Variants in POLR3D observed in about 807,000 individuals in gnomAD.
The protein encoded by POLR3D is RNA polymerase III subunit D, also known as DNA-directed RNA polymerase III subunit RPC4.
In POLR3D, 42 loss-of-function variants were observed where a neutral mutation model predicts 44.5. That is an observed-to-expected ratio of 0.94 (90% CI 0.74 to 1.22). The LOEUF (loss-of-function observed/expected upper bound fraction) is 1.22, where lower values mean the gene tolerates loss of function less well. Ranked by LOEUF, POLR3D falls within the 50% of genes most tolerant of loss-of-function variation. The pLI, the probability that POLR3D is intolerant of heterozygous loss-of-function variation, is 0.00. For missense variants in POLR3D, 507 were observed against 505.2 expected (o/e 1.00, Z -0.03); for synonymous variants, 217 against 198.1 (o/e 1.10, Z -0.80).
At chr8:22,248,922 G>C in intron 6 of POLR3D, 122 bp from the exon 7 acceptor site, 1 of 1,117,932 alleles carries the variant, frequency 8.9e-7, no homozygotes, top group Non-Finnish European at 1.3e-6. Flanking sequence ...CTGTATAACT[G>C]GTGCCTCCTT....
At chr8:22,248,766 C>G in intron 6 of POLR3D, 117 bp downstream of exon 6, 1 of 1,032,802 alleles carries the variant, frequency 9.7e-7, no homozygotes, top group Non-Finnish European at 1.4e-6. Flanking sequence ...TCCTCCCATT[C>G]CGGCTGTAAG....
intron 3 of POLR3D, among the ~76,000 whole-genome samples, chr8:22,247,554 T>C (rs893559285): frequency 2.6e-5 from 4 of 152,228 alleles, no homozygotes; most frequent in African/African-American, 9.6e-5. Context: ...GCCAATAGTT[T>C]AAACAAAGAT....
Position 22,251,473 on chromosome 8 carries a change from C to T in POLR3D, c.*955C>T, listed in dbSNP as rs1020042552. On this transcript the variant is annotated 3_prime_UTR_variant, in exon 9 of 9. Coordinates refer to ENST00000306433, the MANE Select transcript of POLR3D (RefSeq NM_001722.3). ...GGGCCCAGGACATGTTCCCTGCACT[C>T]TTTCCTTTGCAGTTAGTACTCATGT... is the stretch of plus-strand genomic sequence containing the variant. The T allele has an allele frequency of 1.5e-4, 23 of 153,782 alleles. No homozygotes were observed. Among genetic ancestry groups the T allele is most frequent in the African/African-American group, 5.5e-4 (23 of 41,456 alleles). The allele number at this position is 153,782 out of a possible 1,614,324, so 9.5% of individuals were successfully genotyped here.
Position 22,245,433 on chromosome 8 carries a change from C to A in POLR3D, c.-5-12C>A. 7.6e-7 allele frequency: 1 copy of A among 1,309,784 alleles called. No homozygotes were observed. The highest frequency in any genetic ancestry group is 9.8e-7 in the Non-Finnish European group (1 of 1,021,778). 81.1% of individuals were successfully genotyped at this position (1,309,784 alleles called of 1,614,324 possible). A position where few individuals can be genotyped will look rare whatever the true frequency, so the allele number is the denominator to read the frequency against. The stretch of plus-strand genomic sequence containing the variant: ...GTCCCCTCTGGTGATCTCGTCGCCC[C>A]TTCTCTCCCAGGCAACATGTCGGAA... On this transcript the variant is annotated splice_polypyrimidine_tract_variant and intron_variant, in intron 1 of 8. Transcript: ENST00000306433.
At chr8:22,247,431 A>AAAATAAAT (rs149905010) in intron 3 of POLR3D, among the ~76,000 whole-genome samples, 167 bp downstream of exon 3, 19 of 152,044 alleles carry the variant, frequency 1.2e-4, no homozygotes, top group Non-Finnish European at 1.3e-4. Flanking sequence ...CAAGCTTTAA[A>AAAATAAAT]AAATAAATAA....
At position 22,247,273 on chromosome 8, in the gene POLR3D, C is replaced by T; in HGVS notation, c.209+9C>T. 1 of 1,609,840 alleles carries T rather than the reference C, an allele frequency of 6.2e-7. No homozygotes were observed. The highest frequency in any genetic ancestry group is 1.7e-4 in the Middle Eastern group (1 of 6,054). On this transcript the variant is annotated intron_variant, in intron 3 of 8. Transcript: ENST00000306433. Reference sequence around the variant, plus strand: ...CGGAAGATCAAGGAAGAGTAAGTAGCTAGGCCTTCTGAATACTTGCCCCTT... The same window carrying T: ...CGGAAGATCAAGGAAGAGTAAGTAGTTAGGCCTTCTGAATACTTGCCCCTT...
Position 22,245,487 on chromosome 8 carries a change from CG to C in POLR3D, c.41del (p.Gly14GlufsTer7). ...EGNAAGEPST[P>X]GGPRPLLTGA... ...AACGCCGCCGGCGAGCCCAGCACGC[CG>C]GGAGGGCCCCGACCTCTCCTGACTG... On this transcript the variant is annotated frameshift_variant, in exon 2 of 9. Coordinates refer to ENST00000306433, the MANE Select transcript of POLR3D (RefSeq NM_001722.3). LOFTEE classifies it high-confidence loss of function. 7.7e-7 allele frequency: 1 copy of C among 1,306,442 alleles called. No individual in the cohort carries two copies. The highest frequency in any genetic ancestry group is 9.8e-7 in the Non-Finnish European group (1 of 1,019,832). The allele number at this position is 1,306,442 out of a possible 1,614,324, so 80.9% of individuals were successfully genotyped here.
chr8:22,251,750 C>T lies in POLR3D; in HGVS notation c.*1232C>T, dbSNP rs1344427289. The T allele has an allele frequency of 6.6e-6, 1 of 152,356 alleles. No homozygotes were observed. Among genetic ancestry groups the T allele is most frequent in the Non-Finnish European group, 1.5e-5 (1 of 68,082 alleles). The allele number at this position is 152,356 out of a possible 1,614,324, so 9.4% of individuals were successfully genotyped here. On this transcript the variant is annotated 3_prime_UTR_variant, in exon 9 of 9. Transcript: ENST00000306433. Reference sequence around the variant, plus strand: ...TGTTGTCCCTGGAGGAACAGCTTCTCCTCTTGTCTTGACAGTAGGGCTGGG... The same window carrying T: ...TGTTGTCCCTGGAGGAACAGCTTCTTCTCTTGTCTTGACAGTAGGGCTGGG...
At chr8:22,249,366 G>C in intron 7 of POLR3D, 57 bp downstream of exon 7, 1 of 1,580,686 alleles carries the variant, frequency 6.3e-7, no homozygotes, top group South Asian at 1.1e-5. Flanking sequence ...GGGAAGTGGT[G>C]ACCTGTAGTG....
In POLR3D at chr8:22,250,148, G is replaced by C; in HGVS notation, c.995G>C (p.Arg332Pro). 6.2e-7 allele frequency: 1 copy of C among 1,614,124 alleles called. No individual in the cohort carries two copies. The highest frequency in any genetic ancestry group is 8.5e-7 in the Non-Finnish European group (1 of 1,180,008). The stretch of plus-strand genomic sequence containing the variant: ...GGTCAGGTTGGCAAGCTACTCATCC[G>C]CAAGTCTGGAAGGGTGCAACTCCTC... ...TEGQVGKLLIRKSGRVQLLLG... is the reference protein window; with the variant it reads ...TEGQVGKLLIPKSGRVQLLLG... The change falls in exon 8 of 9, where the codon CGC becomes CCC. Residue 332 changes from arginine to proline, a missense_variant. Transcript: ENST00000306433.
chr8:22,250,645 T>C lies in POLR3D; in HGVS notation c.*127T>C. 1.7e-6 allele frequency: 2 copies of C among 1,168,928 alleles called. No individual in the cohort carries two copies. The highest frequency in any genetic ancestry group is 2.5e-6 in the Non-Finnish European group (2 of 807,934). The allele number at this position is 1,168,928 out of a possible 1,614,324, so 72.4% of individuals were successfully genotyped here. A position where few individuals can be genotyped will look rare whatever the true frequency, so the allele number is the denominator to read the frequency against. On this transcript the variant is annotated 3_prime_UTR_variant, in exon 9 of 9. Coordinates refer to ENST00000306433, the MANE Select transcript of POLR3D (RefSeq NM_001722.3). ...CACTCACTCCAGCCTTTGGCAACCA[T>C]TGTTCCAGGTCCCCCAGGGCTTCCT...
At position 22,250,589 on chromosome 8, in the gene POLR3D, T is replaced by A; in HGVS notation, c.*71T>A. On this transcript the variant is annotated 3_prime_UTR_variant, in exon 9 of 9. Coordinates refer to ENST00000306433, the MANE Select transcript of POLR3D (RefSeq NM_001722.3). ...CTGCTCCAGACATTTTGTTCTTGAA[T>A]CTGTGAGACCCAGAAGGGGCCCACT... 6.3e-7 allele frequency: 1 copy of A among 1,596,740 alleles called. No individual in the cohort carries two copies. The highest frequency in any genetic ancestry group is 1.3e-5 in the African/African-American group (1 of 74,802).
chr8:22,246,876 A>G (rs1245701111), intron 2 of POLR3D, among the ~76,000 whole-genome samples: 1 of 152,204 alleles, frequency 6.6e-6, no homozygotes, highest in Non-Finnish European at 1.5e-5. Flanking sequence ...TTCCCCCATG[A>G]TACTGACTGG....
intron 6 of POLR3D, 56 bp downstream of exon 6, chr8:22,248,705 C>T (rs556699522): frequency 3.2e-4 from 487 of 1,529,184 alleles, no homozygotes; most frequent in Admixed American, 1.1e-3. Context: ...CCAGGAATCC[C>T]GTGCATCAGG....
In POLR3D at chr8:22,251,763, CAGT is replaced by C. The variant is rs1306092090; in HGVS notation, c.*1248_*1250del. 1 of 152,292 alleles carries C rather than the reference CAGT, an allele frequency of 6.6e-6. No homozygotes were observed. The highest frequency in any genetic ancestry group is 1.5e-5 in the Non-Finnish European group (1 of 68,096). 9.4% of individuals were successfully genotyped at this position (152,292 alleles called of 1,614,324 possible). ...GGAACAGCTTCTCCTCTTGTCTTGACAGTAGGGCTGGGGTTTTCCCTGGTTCAG... is the reference window on the plus strand; with the variant it reads ...GGAACAGCTTCTCCTCTTGTCTTGACAGGGCTGGGGTTTTCCCTGGTTCAG... On this transcript the variant is annotated 3_prime_UTR_variant, in exon 9 of 9. Coordinates refer to ENST00000306433, the MANE Select transcript of POLR3D (RefSeq NM_001722.3).
In POLR3D at chr8:22,250,791, T is replaced by C; in HGVS notation, c.*273T>C. 1 of 427,254 alleles carries C rather than the reference T, an allele frequency of 2.3e-6. No homozygotes were observed. The highest frequency in any genetic ancestry group is 4.4e-6 in the Non-Finnish European group (1 of 227,466). The allele number at this position is 427,254 out of a possible 1,614,324, so 26.5% of individuals were successfully genotyped here. A position where few individuals can be genotyped will look rare whatever the true frequency, so the allele number is the denominator to read the frequency against. ...TTTATGTCTTAATCTCTTCCACTGA[T>C]GCATCCTCCAAGGGTAGATGGGGAG... On this transcript the variant is annotated 3_prime_UTR_variant, in exon 9 of 9. Transcript: ENST00000306433.
At chr8:22,249,689 G>A (rs1443500520) in intron 7 of POLR3D, among the ~76,000 whole-genome samples, 1 of 152,116 alleles carries the variant, frequency 6.6e-6, no homozygotes, top group Non-Finnish European at 1.5e-5. Flanking sequence ...AGGCATGGTG[G>A]CGTGTGCCTG....
chr8:22,247,108 C>T (rs1238326004), intron 2 of POLR3D, 113 bp from the exon 3 acceptor site: 10 of 726,040 alleles, frequency 1.4e-5, no homozygotes, highest in African/African-American at 1.8e-5. Flanking sequence ...AATGTGCCAA[C>T]GAGAGCCGTG....
At position 22,250,456 on chromosome 8, in the gene POLR3D, G is replaced by A. The variant is rs572135546; in HGVS notation, c.1135G>A (p.Val379Met). Residue 379 changes from valine (V) to methionine (M), a missense_variant, in exon 9 of 9, where the codon GTG (valine) becomes ATG (methionine). Transcript: ENST00000306433. ...AGGGGAGATGACAGTCCTGGGACAC[G>A]TGAAGCACAAACTTGTATGTTCCCC... is the stretch of plus-strand genomic sequence containing the variant. The part of the protein sequence containing the change: ...RTGEMTVLGH[V>M]KHKLVCSPDF... The A allele has an allele frequency of 6.8e-6, 11 of 1,614,172 alleles. 1 individual carries two copies. The highest frequency in any genetic ancestry group is 4.0e-5 in the African/African-American group (3 of 75,050).
Sources: allele counts gnomAD v4.1 joint callset (sites outside exome capture counted in the v4.1 genomes callset), GRCh38; gene constraint gnomAD v4.1.1; transcripts MANE v1.5; gene names NCBI Gene and HGNC (gene_info 2026-07-23, HGNC 2026-07-21).